The following PTPRD variants were observed in gnomAD, a reference collection of about 807,000 sequenced individuals.
PTPRD encodes receptor-type tyrosine-protein phosphatase delta.
PTPRD carries 34 observed loss-of-function variants against 214.5 expected under a neutral mutation model. That is an observed-to-expected ratio of 0.16 (90% CI 0.12 to 0.21). The LOEUF (loss-of-function observed/expected upper bound fraction) is 0.21, where lower values mean the gene tolerates loss of function less well. Among genes scored for constraint, PTPRD ranks in the 10% least tolerant of loss-of-function variants. The pLI, the probability that PTPRD is intolerant of heterozygous loss-of-function variation, is 1.00. For missense variants in PTPRD, 2,545 were observed against 2,398.7 expected (o/e 1.06, Z -1.27); for synonymous variants, 1,128 against 845.7 (o/e 1.33, Z -5.79).
At chr9:8,544,167 T>A (rs898798597) in intron 14 of PTPRD, among the ~76,000 whole-genome samples, 1 of 143,414 alleles carries the variant, frequency 7.0e-6, no homozygotes, top group African/African-American at 2.6e-5. Context: ...GCCATTACTT[T>A]TTTTTTTTTT....
At chr9:8,405,558 G>T in intron 35 of PTPRD, among the ~76,000 whole-genome samples, 1 of 151,604 alleles carries the variant, frequency 6.6e-6, no homozygotes. Flanking sequence ...AAACTCTAGG[G>T]GACTTCATTT....
At chr9:9,366,322 G>C (rs765429795) in intron 9 of PTPRD, among the ~76,000 whole-genome samples, 1 of 151,496 alleles carries the variant, frequency 6.6e-6, no homozygotes, top group Admixed American at 6.6e-5. Flanking sequence ...CCTTTGAAAA[G>C]TATTGATTTT....
chr9:9,320,995 C>A (rs537846811), intron 9 of PTPRD, among the ~76,000 whole-genome samples: 3 of 152,024 alleles, frequency 2.0e-5, no homozygotes, highest in Non-Finnish European at 2.9e-5. Flanking sequence ...TGTTAATAAA[C>A]AATATGGGTC....
At chr9:9,521,714 C>G (rs2096977078) in intron 8 of PTPRD, among the ~76,000 whole-genome samples, 1 of 152,018 alleles carries the variant, frequency 6.6e-6, no homozygotes, top group Admixed American at 6.6e-5. Context: ...TGAAGTTCTA[C>G]TAAAAAAGGA....
intron 10 of PTPRD, among the ~76,000 whole-genome samples, chr9:9,147,523 G>C (rs1457383186): frequency 2.0e-5 from 3 of 152,030 alleles, no homozygotes; most frequent in Non-Finnish European, 4.4e-5. Context: ...CATTTAAAAA[G>C]TGATTAAAAA....
At chr9:10,503,029 C>G (rs529292501) in intron 2 of PTPRD, among the ~76,000 whole-genome samples, 18 of 151,330 alleles carry the variant, frequency 1.2e-4, no homozygotes, top group Non-Finnish European at 2.4e-4. Flanking sequence ...ATTGATAATC[C>G]TTGTTTTCCT....
chr9:10,280,890 C>T (rs758664020), intron 3 of PTPRD, among the ~76,000 whole-genome samples: 1 of 152,086 alleles, frequency 6.6e-6, no homozygotes, highest in African/African-American at 2.4e-5. Context: ...GCTAAGATTA[C>T]AAGTGTGAGC....
At chr9:10,220,884 G>C (rs1319317004) in intron 3 of PTPRD, among the ~76,000 whole-genome samples, 1 of 151,176 alleles carries the variant, frequency 6.6e-6, no homozygotes, top group African/African-American at 2.4e-5. Context: ...GGAAATAGAA[G>C]AGAAGAGAGA....
intron 5 of PTPRD, among the ~76,000 whole-genome samples, chr9:9,873,581 C>T (rs1247270134): frequency 6.6e-6 from 1 of 152,010 alleles, no homozygotes; most frequent in Non-Finnish European, 1.5e-5. Context: ...AAATACTGCT[C>T]CCTTCCTGCA....
intron 8 of PTPRD, among the ~76,000 whole-genome samples, chr9:9,478,057 G>A (rs1008996173): frequency 6.6e-6 from 1 of 152,130 alleles, no homozygotes; most frequent in African/African-American, 2.4e-5. Context: ...TGAAAAATTT[G>A]TGGTCTATGA....
intron 11 of PTPRD, among the ~76,000 whole-genome samples, chr9:9,003,313 C>T (rs116053325): frequency 0.013 from 1,903 of 152,062 alleles, 48 homozygotes; most frequent in African/African-American, 0.043. Flanking sequence ...GAATCTAAAT[C>T]CCTAACGCTC....
chr9:9,470,792 C>A (rs1156859818), intron 8 of PTPRD, among the ~76,000 whole-genome samples: 2 of 152,106 alleles, frequency 1.3e-5, no homozygotes, highest in African/African-American at 4.8e-5. Flanking sequence ...TGGAGGGACA[C>A]GAATCAATGT....
intron 10 of PTPRD, among the ~76,000 whole-genome samples, chr9:9,168,383 C>G (rs2099908159): frequency 6.6e-6 from 1 of 151,816 alleles, no homozygotes; most frequent in Admixed American, 6.6e-5. Context: ...TTTTTATTGC[C>G]TTTTCCATAT....
At chr9:8,812,242 A>G (rs35997674) in intron 11 of PTPRD, among the ~76,000 whole-genome samples, 15,015 of 152,256 alleles carry the variant, frequency 0.099, 977 homozygotes, top group Middle Eastern at 0.17. Context: ...TAGCAATTAT[A>G]TATATGCACA....
intron 10 of PTPRD, among the ~76,000 whole-genome samples, chr9:9,088,581 GAAAAAAA>G (rs533619970): frequency 0.015 from 500 of 33,006 alleles, no homozygotes; most frequent in African/African-American, 0.043. Flanking sequence ...CTTAGTCTCA[GAAAAAAA>G]AAAAAAAAAA....
intron 11 of PTPRD, among the ~76,000 whole-genome samples, chr9:8,955,055 A>G (rs1307341977): frequency 1.3e-5 from 2 of 151,854 alleles, no homozygotes; most frequent in African/African-American, 2.4e-5. Flanking sequence ...AAAGCAATAA[A>G]TTGATGGAGA....
intron 5 of PTPRD, among the ~76,000 whole-genome samples, chr9:9,828,717 T>A (rs1371872732): frequency 6.6e-6 from 1 of 150,734 alleles, no homozygotes; most frequent in African/African-American, 2.5e-5. Context: ...AAGCAGGATT[T>A]TTTTTTTTTT....
chr9:9,588,142 GA>G (rs896475457), intron 7 of PTPRD, among the ~76,000 whole-genome samples: 1 of 151,420 alleles, frequency 6.6e-6, no homozygotes, highest in Non-Finnish European at 1.5e-5. Flanking sequence ...ATTAATAACA[GA>G]AAAAAATAGA....
intron 12 of PTPRD, among the ~76,000 whole-genome samples, chr9:8,710,088 C>T (rs754758225): frequency 2.0e-5 from 3 of 152,126 alleles, no homozygotes; most frequent in East Asian, 3.9e-4. Context: ...AAATAATCTG[C>T]GTGAAGCAAG....
Sources: allele counts gnomAD v4.1 joint callset (sites outside exome capture counted in the v4.1 genomes callset), GRCh38; gene constraint gnomAD v4.1.1; transcripts MANE v1.5; gene names NCBI Gene and HGNC (gene_info 2026-07-23, HGNC 2026-07-21).